Variants in PRKN observed in about 807,000 individuals in gnomAD.
The protein encoded by PRKN is E3 ubiquitin-protein ligase parkin.
In PRKN, 56 loss-of-function variants were observed where a neutral mutation model predicts 59.5. That is an observed-to-expected ratio of 0.94 (90% CI 0.76 to 1.18). The LOEUF (loss-of-function observed/expected upper bound fraction) is 1.18. PRKN is among the 50% of genes most tolerant of loss of function. The pLI is 0.00. For synonymous variants in PRKN, 250 were observed against 222.1 expected, an observed-to-expected ratio of 1.13 and a Z score of -1.12; for missense variants, 657 against 596.4, an observed-to-expected ratio of 1.10 and a Z score of -1.06.
intron 6 of PRKN, among the ~76,000 whole-genome samples, chr6:161,834,003 G>A (rs559836462): frequency 3.9e-5 from 6 of 152,194 alleles, no homozygotes; most frequent in East Asian, 3.9e-4. Context: ...TGGAACTCTG[G>A]ACTTTTTAAT....
intron 7 of PRKN, among the ~76,000 whole-genome samples, chr6:161,631,772 A>AACAC (rs147449873): frequency 0.27 from 40,553 of 150,236 alleles, 6,019 homozygotes; most frequent in African/African-American, 0.41. Flanking sequence ...CACCCAGACA[A>AACAC]ACACACACAC....
rs532706657 is a variant in PRKN at position 161,494,673 on chromosome 6, T to C, written c.1083+54181A>G. On this transcript the variant is annotated intron_variant, in intron 9 of 11. Transcript: ENST00000366898. ...TACTGTGTGAGAGCTTTACACACATTAACTGATTTAATCAGTATGAAAACG... is the reference window on the plus strand; with the variant it reads ...TACTGTGTGAGAGCTTTACACACATCAACTGATTTAATCAGTATGAAAACG... Among the ~76,000 whole-genome samples, 7 of 152,336 alleles carry C rather than the reference T, an allele frequency of 4.6e-5. No individual in the cohort carries two copies. The South Asian group carries it at 1.5e-3, about 32-fold the overall frequency.
intron 4 of PRKN, among the ~76,000 whole-genome samples, chr6:162,057,855 A>T (rs1464071745): frequency 6.6e-6 from 1 of 152,226 alleles, no homozygotes; most frequent in African/African-American, 2.4e-5. Context: ...TAACATTCAT[A>T]CTAATAGTGT....
intron 1 of PRKN, among the ~76,000 whole-genome samples, chr6:162,632,410 A>G (rs1030934815): frequency 6.6e-5 from 10 of 152,204 alleles, no homozygotes; most frequent in African/African-American, 2.4e-4. Context: ...ACAGGAACAA[A>G]AAAAAGAAAT....
chr6:161,649,626 A>T (rs1784080083), intron 7 of PRKN, among the ~76,000 whole-genome samples: 1 of 152,174 alleles, frequency 6.6e-6, no homozygotes, highest in Non-Finnish European at 1.5e-5. Flanking sequence ...TTTATTTCTC[A>T]CCTTCTGAAG....
intron 6 of PRKN, among the ~76,000 whole-genome samples, chr6:161,927,462 CA>C (rs1445488681): frequency 6.6e-6 from 1 of 151,864 alleles, no homozygotes; most frequent in African/African-American, 2.4e-5. Flanking sequence ...AGAAGAAAAT[CA>C]AAAGTCATGT....
At chr6:162,381,927 C>G (rs897160791) in intron 2 of PRKN, among the ~76,000 whole-genome samples, 4 of 152,098 alleles carry the variant, frequency 2.6e-5, no homozygotes, top group Non-Finnish European at 5.9e-5. Flanking sequence ...AATTGTTTTT[C>G]TTTTTCCCTT....
intron 2 of PRKN, among the ~76,000 whole-genome samples, chr6:162,374,415 T>C (rs976394887): frequency 4.0e-5 from 6 of 151,520 alleles, no homozygotes; most frequent in Non-Finnish European, 7.4e-5. Context: ...TAAGTTTTAG[T>C]TTGTTTATGT....
intron 6 of PRKN, among the ~76,000 whole-genome samples, chr6:161,863,425 C>T (rs1235985621): frequency 6.6e-6 from 1 of 152,020 alleles, no homozygotes; most frequent in Non-Finnish European, 1.5e-5. Context: ...TAATTTAATG[C>T]CAAAAAATCT....
At chr6:161,683,490 T>C (rs1785446497) in intron 7 of PRKN, among the ~76,000 whole-genome samples, 1 of 152,302 alleles carries the variant, frequency 6.6e-6, no homozygotes, top group South Asian at 2.1e-4. Flanking sequence ...GACCATTGCC[T>C]CTTTCTCTCA....
intron 9 of PRKN, among the ~76,000 whole-genome samples, chr6:161,481,277 G>C (rs1416890647): frequency 1.3e-5 from 2 of 152,074 alleles, no homozygotes; most frequent in African/African-American, 4.8e-5. Flanking sequence ...TCTGTACCCA[G>C]TACAGGGGGC....
chr6:162,542,159 A>C (rs1778952746), intron 1 of PRKN, among the ~76,000 whole-genome samples: 1 of 152,178 alleles, frequency 6.6e-6, no homozygotes, highest in Non-Finnish European at 1.5e-5. Context: ...AAATATTTTC[A>C]GTTCAAGTGC....
At chr6:161,666,554 A>G (rs1393017399) in intron 7 of PRKN, among the ~76,000 whole-genome samples, 1 of 152,154 alleles carries the variant, frequency 6.6e-6, no homozygotes, top group Admixed American at 6.5e-5. Flanking sequence ...GCTGCCCCTC[A>G]CCACTACTTA....
chr6:162,510,372 A>G (rs1029932362), intron 1 of PRKN, among the ~76,000 whole-genome samples: 2 of 149,984 alleles, frequency 1.3e-5, no homozygotes, highest in Non-Finnish European at 2.9e-5. Context: ...CCATATGATG[A>G]TGGCAGGTGC....
chr6:162,265,001 G>T (rs1780066170), intron 2 of PRKN, among the ~76,000 whole-genome samples: 1 of 152,036 alleles, frequency 6.6e-6, no homozygotes, highest in South Asian at 2.1e-4. Flanking sequence ...TAATAGCTTT[G>T]TAATTACTCC....
chr6:161,916,112 C>T (rs1392670411), intron 6 of PRKN, among the ~76,000 whole-genome samples: 1 of 152,082 alleles, frequency 6.6e-6, no homozygotes, highest in Non-Finnish European at 1.5e-5. Context: ...CACCAAATAG[C>T]ACAACAGATA....
At position 161,476,137 on chromosome 6, in the gene PRKN, A is replaced by G. The variant is rs191874135; in HGVS notation, c.1083+72717T>C. Among the ~76,000 whole-genome samples, 1,495 of 151,786 alleles carry G rather than the reference A, an allele frequency of 9.8e-3. 21 individuals are homozygous for G. The highest frequency in any genetic ancestry group is 0.025 in the East Asian group (126 of 5,130). ...GGGAGGCGGAGCTTGCAGTGAGCCGAGATCGCGCCACTGTACTCCAACCTG... is the reference window on the plus strand; with the variant it reads ...GGGAGGCGGAGCTTGCAGTGAGCCGGGATCGCGCCACTGTACTCCAACCTG... On this transcript the variant is annotated intron_variant, in intron 9 of 11. Transcript: ENST00000366898.
At chr6:162,248,789 T>C (rs1032121968) in intron 3 of PRKN, among the ~76,000 whole-genome samples, 1 of 152,192 alleles carries the variant, frequency 6.6e-6, no homozygotes, top group East Asian at 1.9e-4. Context: ...GTTTTTAGTA[T>C]TGCATTTAAT....
intron 6 of PRKN, among the ~76,000 whole-genome samples, chr6:161,937,144 A>G (rs552926604): frequency 6.6e-6 from 1 of 152,328 alleles, no homozygotes; most frequent in South Asian, 2.1e-4. Context: ...ATACTGTAAA[A>G]AAGAATGTAC....
Sources: allele counts gnomAD v4.1 joint callset (sites outside exome capture counted in the v4.1 genomes callset), GRCh38; gene constraint gnomAD v4.1.1; transcripts MANE v1.5; gene names NCBI Gene and HGNC (gene_info 2026-07-23, HGNC 2026-07-21).